LAMC3: variants seen among roughly 807,000 people sequenced by gnomAD.
LAMC3 encodes laminin subunit gamma-3.
A neutral mutation model predicts 173.8 loss-of-function variants in LAMC3; 128 were observed. That is an observed-to-expected ratio of 0.74 (90% CI 0.64 to 0.85). The LOEUF is 0.85. Among genes scored for constraint, LAMC3 ranks in the 40% least tolerant of loss-of-function variants. The pLI, the probability that LAMC3 is intolerant of heterozygous loss-of-function variation, is 0.00. For synonymous variants in LAMC3, 897 were observed against 909.1 expected, an observed-to-expected ratio of 0.99 and a Z score of 0.24; for missense variants, 2,022 against 2,156.0, an observed-to-expected ratio of 0.94 and a Z score of 1.23.
intron 15 of LAMC3, 25 bp from the exon 16 acceptor site, chr9:131,068,883 G>A (rs367595328): frequency 5.0e-5 from 81 of 1,613,486 alleles, no homozygotes; most frequent in African/African-American, 6.7e-5. Context: ...GCTTGCCTCA[G>A]ACCCAGTTCC....
rs3765569 is a variant in LAMC3, at chr9:131,067,237, A to G, written c.2593+32A>G. ...ACCTACCTCCAGACCCCAGGGTGGCACATGGTGGGCCCCTTCTCTTCTGCC... is the reference window on the plus strand; with the variant it reads ...ACCTACCTCCAGACCCCAGGGTGGCGCATGGTGGGCCCCTTCTCTTCTGCC... On this transcript the variant is annotated intron_variant, in intron 14 of 27. Transcript: ENST00000361069. 1,302,245 of 1,611,300 alleles carry G rather than the reference A, an allele frequency of 0.81. 530,694 individuals are homozygous for G. The highest frequency in any genetic ancestry group is 0.84 in the Middle Eastern group (4,926 of 5,894).
rs774833418 is a variant in LAMC3, at chr9:131,052,888, C to T, written c.1862C>T (p.Pro621Leu). The T allele has an allele frequency of 6.2e-7, 1 of 1,613,728 alleles. No individual in the cohort carries two copies. Among genetic ancestry groups the T allele is most frequent in the East Asian group, 2.2e-5 (1 of 44,888 alleles). ...ETSEDVAPPL[P>L]PFHFQRLLAN... ...TCCGAGGACGTGGCCCCTCCACTGC[C>T]CCCCTTCCACTTCCAGCGGCTCCTC... Residue 621 changes from proline to leucine, a missense_variant, in exon 11 of 28, where the codon CCC (proline) becomes CTC (leucine). Physicochemically the swap from Pro to Leu is moderately conservative, Grantham distance 98. Transcript: ENST00000361069.
chr9:131,053,047 T>C, intron 11 of LAMC3, 82 bp downstream of exon 11: 2 of 1,042,564 alleles, frequency 1.9e-6, no homozygotes, highest in Admixed American at 1.9e-5. Flanking sequence ...GTCACAGTCT[T>C]GTCAGGGCCT....
intron 13 of LAMC3, among the ~76,000 whole-genome samples, chr9:131,061,669 T>C (rs1350894510): frequency 6.6e-6 from 1 of 152,226 alleles, no homozygotes; most frequent in Non-Finnish European, 1.5e-5. Flanking sequence ...TTTCCTGCTC[T>C]GGACTCAGAC....
At chr9:131,061,335 GGA>G (rs1829816619) in intron 13 of LAMC3, 112 bp downstream of exon 13, 1 of 881,680 alleles carries the variant, frequency 1.1e-6, no homozygotes, top group Admixed American at 2.4e-5. Context: ...GGCAGGTGAG[GGA>G]GAGCCCAGCT....
intron 2 of LAMC3, among the ~76,000 whole-genome samples, chr9:131,030,721 T>G (rs1231527705): frequency 6.6e-6 from 1 of 152,196 alleles, no homozygotes; most frequent in Non-Finnish European, 1.5e-5. Context: ...TTGGTTTGAG[T>G]TCTCCAGGTG....
intron 27 of LAMC3, among the ~76,000 whole-genome samples, chr9:131,090,153 G>A (rs957276348): frequency 6.6e-6 from 1 of 152,146 alleles, no homozygotes; most frequent in Non-Finnish European, 1.5e-5. Context: ...TAGGAAAGCC[G>A]TGGCTCACCT....
chr9:131,073,377 G>A, intron 20 of LAMC3, 56 bp downstream of exon 20: 1 of 1,364,912 alleles, frequency 7.3e-7, no homozygotes, highest in Non-Finnish European at 1.0e-6. Flanking sequence ...GGGTTCCAGG[G>A]TCAGAGTCAG....
At chr9:131,045,090 C>T (rs1195567788) in intron 7 of LAMC3, among the ~76,000 whole-genome samples, 3 of 151,990 alleles carry the variant, frequency 2.0e-5, no homozygotes, top group Non-Finnish European at 4.4e-5. Context: ...GGTGTGGTGG[C>T]AGGCGCCTGC....
intron 2 of LAMC3, 22 bp from the exon 3 acceptor site, chr9:131,032,023 C>T: frequency 6.2e-7 from 1 of 1,614,154 alleles, no homozygotes; most frequent in Non-Finnish European, 8.5e-7. Context: ...CTGCTGATGG[C>T]ACCCTCTCCC....
At chr9:131,035,131 G>A (rs1157190703) in intron 3 of LAMC3, among the ~76,000 whole-genome samples, 1 of 152,118 alleles carries the variant, frequency 6.6e-6, no homozygotes, top group Non-Finnish European at 1.5e-5. Flanking sequence ...TGTATTTTTA[G>A]TAGAGACTGG....
chr9:131,051,464 A>C (rs1391218293), intron 9 of LAMC3, among the ~76,000 whole-genome samples: 2 of 147,062 alleles, frequency 1.4e-5, no homozygotes, highest in African/African-American at 5.1e-5. Flanking sequence ...TTCTGGGTTC[A>C]AGCAATTCCC....
chr9:131,084,938 C>CA (rs35487130), intron 24 of LAMC3, among the ~76,000 whole-genome samples: 93 of 123,704 alleles, frequency 7.5e-4, no homozygotes, highest in East Asian at 1.5e-3. Context: ...GACCTTGTCT[C>CA]AAAAAAAAAA....
chr9:131,060,997 T>C (rs1829798467), intron 12 of LAMC3, 38 bp from the exon 13 acceptor site: 1 of 1,608,616 alleles, frequency 6.2e-7, no homozygotes, highest in African/African-American at 1.3e-5. Context: ...TCTCTGGGCA[T>C]TCTGGGTTCA....
intron 12 of LAMC3, among the ~76,000 whole-genome samples, chr9:131,058,111 GTTTTATT>G (rs10549970): frequency 0.72 from 108,175 of 150,668 alleles, 39,200 homozygotes; most frequent in African/African-American, 0.8. Flanking sequence ...TTTATTTTAT[GTTTTATT>G]TTTTATTTTT....
At chr9:131,056,905 CCT>C in intron 11 of LAMC3, 22 bp from the exon 12 acceptor site, 1 of 1,596,304 alleles carries the variant, frequency 6.3e-7, no homozygotes, top group Non-Finnish European at 8.6e-7. Flanking sequence ...CTCCTCTCTT[CCT>C]CTCTCCCTTC....
At chr9:131,067,955 C>A in intron 14 of LAMC3, 123 bp from the exon 15 acceptor site, 1 of 1,069,500 alleles carries the variant, frequency 9.4e-7, no homozygotes, top group Non-Finnish European at 1.4e-6. Flanking sequence ...GCGTCTGAAT[C>A]TGGGCTGAAT....
chr9:131,050,746 C>T (rs927606768), intron 9 of LAMC3, among the ~76,000 whole-genome samples: 3 of 148,618 alleles, frequency 2.0e-5, no homozygotes, highest in East Asian at 3.9e-4. Flanking sequence ...CCAGCCTGGG[C>T]GACAGAGTGA....
intron 1 of LAMC3, among the ~76,000 whole-genome samples, chr9:131,023,007 A>G (rs185034246): frequency 3.9e-5 from 6 of 152,062 alleles, no homozygotes; most frequent in Admixed American, 6.5e-5. Flanking sequence ...TATTCTGGAC[A>G]TTTACGTGGA....
Sources: allele counts gnomAD v4.1 joint callset (sites outside exome capture counted in the v4.1 genomes callset), GRCh38; gene constraint gnomAD v4.1.1; transcripts MANE v1.5; gene names NCBI Gene and HGNC (gene_info 2026-07-23, HGNC 2026-07-21).